The following PLCL1 variants were observed in gnomAD, a reference collection of about 807,000 sequenced individuals.
PLCL1 encodes the protein inactive phospholipase C-like protein 1.
A neutral mutation model predicts 84.4 loss-of-function variants in PLCL1; 41 were observed. That is an observed-to-expected ratio of 0.49 (90% confidence interval 0.38 to 0.63). The LOEUF (loss-of-function observed/expected upper bound fraction) is 0.63, where lower values mean the gene tolerates loss of function less well. PLCL1 is among the 30% of genes least tolerant of loss of function. The pLI, the probability that PLCL1 is intolerant of heterozygous loss-of-function variation, is 0.00. For synonymous variants in PLCL1, 490 were observed against 488.3 expected (o/e 1.00, Z -0.05); for missense variants, 1,206 against 1,367.8 (o/e 0.88, Z 1.87).
At chr2:197,900,776 A>C (rs1688247231) in intron 1 of PLCL1, among the ~76,000 whole-genome samples, 3 of 152,216 alleles carry the variant, frequency 2.0e-5, no homozygotes, top group Admixed American at 1.3e-4. Flanking sequence ...TCAAAACAAG[A>C]AAAAAATGCT....
At chr2:198,006,744 T>A (rs546463570) in intron 1 of PLCL1, among the ~76,000 whole-genome samples, 1 of 152,202 alleles carries the variant, frequency 6.6e-6, no homozygotes, top group Non-Finnish European at 1.5e-5. Flanking sequence ...ATTTCAAGAA[T>A]GAGACTAGAG....
chr2:198,084,674 G>A lies in PLCL1; in HGVS notation c.1157G>A (p.Cys386Tyr), dbSNP rs1443931440. The A allele has an allele frequency of 6.2e-7, 1 of 1,613,872 alleles. No homozygotes were observed. Among genetic ancestry groups the A allele is most frequent in the Non-Finnish European group, 8.5e-7 (1 of 1,179,800 alleles). The change falls in exon 2 of 6, where the codon TGT (cysteine) becomes TAT (tyrosine). Residue 386 changes from cysteine to tyrosine, a missense_variant. Transcript: ENST00000428675. ...ACCCAGTATTTATTGTCATCAGAAT[G>A]TGACATTTTTGATCCTGAGCAAAAG... ...GFTQYLLSSE[C>Y]DIFDPEQKKV...
chr2:198,005,520 G>T lies in PLCL1; in HGVS notation c.241-78238G>T, dbSNP rs557271356. The stretch of plus-strand genomic sequence containing the variant: ...CTTCATTGCATTATATTTACTGACT[G>T]CCTACCCTATGTTAGACCCTGTGTT... On this transcript the variant is annotated intron_variant, in intron 1 of 5. Transcript: ENST00000428675. Among the ~76,000 whole-genome samples, 3 of 152,324 alleles carry T rather than the reference G, an allele frequency of 2.0e-5. No individual in the cohort carries two copies. The South Asian group carries it at 6.2e-4, about 32-fold the overall frequency.
chr2:197,810,123 A>G (rs1452165723), intron 1 of PLCL1: 2 of 254,342 alleles, frequency 7.9e-6, no homozygotes, highest in Non-Finnish European at 1.6e-5. Context: ...CCGAGATGTG[A>G]TTTGGCTGCA....
chr2:197,924,397 A>G (rs1197281286), intron 1 of PLCL1, among the ~76,000 whole-genome samples: 1 of 152,180 alleles, frequency 6.6e-6, no homozygotes, highest in Non-Finnish European at 1.5e-5. Context: ...TGGTATTGAC[A>G]ATGGAGAAAG....
chr2:198,080,724 T>A (rs1312166032), intron 1 of PLCL1, among the ~76,000 whole-genome samples: 1 of 152,248 alleles, frequency 6.6e-6, no homozygotes, highest in Non-Finnish European at 1.5e-5. Context: ...CGTTCACACA[T>A]GCTCTGGCCA....
chr2:197,890,346 A>T (rs905910159), intron 1 of PLCL1, among the ~76,000 whole-genome samples: 27 of 152,132 alleles, frequency 1.8e-4, no homozygotes, highest in Non-Finnish European at 2.9e-5. Context: ...GTTGCTAAGG[A>T]CAACCCATTT....
intron 1 of PLCL1, among the ~76,000 whole-genome samples, chr2:197,975,001 C>T (rs541153884): frequency 1.6e-4 from 24 of 151,576 alleles, no homozygotes; most frequent in African/African-American, 4.8e-4. Flanking sequence ...ATTAGCCGGG[C>T]GCGGTGGCGG....
chr2:198,132,673 G>A (rs931635367), intron 5 of PLCL1, among the ~76,000 whole-genome samples: 1 of 152,112 alleles, frequency 6.6e-6, no homozygotes, highest in Non-Finnish European at 1.5e-5. Flanking sequence ...ATTTTTTCCA[G>A]GCATATATAC....
chr2:197,966,449 C>T (rs1207835662), intron 1 of PLCL1, among the ~76,000 whole-genome samples: 1 of 152,094 alleles, frequency 6.6e-6, no homozygotes, highest in Non-Finnish European at 1.5e-5. Context: ...ATGGGTGATT[C>T]CCTTTTGGCT....
intron 1 of PLCL1, among the ~76,000 whole-genome samples, chr2:198,049,726 T>G (rs1429267387): frequency 1.3e-5 from 2 of 152,236 alleles, no homozygotes; most frequent in South Asian, 2.1e-4. Context: ...TGAGTGAAAC[T>G]TGGCACCTCC....
chr2:197,808,594 AAG>A (rs1451743405), intron 1 of PLCL1, among the ~76,000 whole-genome samples: 18 of 152,130 alleles, frequency 1.2e-4, no homozygotes, highest in African/African-American at 4.4e-4. Context: ...CAGTTTTGCC[AAG>A]AGTTTTTTTA....
chr2:197,998,083 C>T lies in PLCL1; in HGVS notation c.241-85675C>T, dbSNP rs192161577. On this transcript the variant is annotated intron_variant, in intron 1 of 5. Coordinates refer to ENST00000428675, the MANE Select transcript of PLCL1 (RefSeq NM_006226.4). Reference sequence around the variant, plus strand: ...GGGAGTGGTGGAGAGTGATATGGAGCGAGACAGAAACTGAAAACTGAGGCC... The same window carrying T: ...GGGAGTGGTGGAGAGTGATATGGAGTGAGACAGAAACTGAAAACTGAGGCC... 1.5e-4 allele frequency among the ~76,000 whole-genome samples: 22 copies of T among 150,656 alleles called. No homozygotes were observed. The East Asian group carries it at 4.3e-3, about 29-fold the overall frequency.
intron 1 of PLCL1, among the ~76,000 whole-genome samples, chr2:198,032,880 A>G (rs967451243): frequency 6.6e-6 from 1 of 152,164 alleles, no homozygotes; most frequent in Non-Finnish European, 1.5e-5. Flanking sequence ...CTCTGACCCA[A>G]TTAATGCATC....
At chr2:197,948,109 G>T (rs1689317307) in intron 1 of PLCL1, among the ~76,000 whole-genome samples, 1 of 152,144 alleles carries the variant, frequency 6.6e-6, no homozygotes, top group Non-Finnish European at 1.5e-5. Flanking sequence ...GGGATGATGA[G>T]AAATGAGAAA....
chr2:197,832,395 G>C (rs919669564), intron 1 of PLCL1, among the ~76,000 whole-genome samples: 1 of 152,116 alleles, frequency 6.6e-6, no homozygotes, highest in African/African-American at 2.4e-5. Flanking sequence ...AAATAAACTA[G>C]AAATTCTAGA....
intron 1 of PLCL1, among the ~76,000 whole-genome samples, chr2:197,817,863 G>A (rs186670960): frequency 6.6e-6 from 1 of 152,210 alleles, no homozygotes; most frequent in East Asian, 1.9e-4. Flanking sequence ...GCCAGAAGTT[G>A]TACATTTTGG....
intron 1 of PLCL1, among the ~76,000 whole-genome samples, chr2:198,079,373 C>G (rs535369221): frequency 3.3e-5 from 5 of 151,806 alleles, no homozygotes; most frequent in African/African-American, 1.2e-4. Flanking sequence ...CTATTCCTAA[C>G]AGTAGTAGAT....
intron 1 of PLCL1, among the ~76,000 whole-genome samples, chr2:197,900,640 AC>A (rs555817301): frequency 1.1e-3 from 163 of 152,262 alleles, no homozygotes; most frequent in Non-Finnish European, 1.9e-3. Context: ...TGAACACTTG[AC>A]TTCTCATTTC....
Sources: allele counts gnomAD v4.1 joint callset (sites outside exome capture counted in the v4.1 genomes callset), GRCh38; gene constraint gnomAD v4.1.1; transcripts MANE v1.5; gene names NCBI Gene and HGNC (gene_info 2026-07-23, HGNC 2026-07-21).